Variants in STRA6 observed in about 807,000 individuals in gnomAD.
STRA6 encodes receptor for retinol uptake STRA6.
Under a neutral mutation model 83.6 loss-of-function variants are expected in STRA6, and 48 were observed. That is an observed-to-expected ratio of 0.57 (90% confidence interval 0.46 to 0.73). STRA6 has a LOEUF of 0.73. Ranked by LOEUF, STRA6 falls within the 30% of genes least tolerant of loss-of-function variation. STRA6 has a pLI of 0.00. For missense variants in STRA6, 760 were observed against 838.8 expected, an observed-to-expected ratio of 0.91 and a Z score of 1.16; for synonymous variants, 353 against 362.3, an observed-to-expected ratio of 0.97 and a Z score of 0.29.
chr15:74,192,926 C>G (rs1272673114), intron 8 of STRA6, among the ~76,000 whole-genome samples: 1 of 152,200 alleles, frequency 6.6e-6, no homozygotes, highest in Non-Finnish European at 1.5e-5. Flanking sequence ...CTGTCTCCCC[C>G]ACCACACTGG....
At chr15:74,207,931 G>T in intron 1 of STRA6, 2 of 1,464,594 alleles carry the variant, frequency 1.4e-6, no homozygotes, top group Non-Finnish European at 1.8e-6. Flanking sequence ...GAGTATGGGT[G>T]ACTCTCCACC....
intron 7 of STRA6, 119 bp downstream of exon 7, chr15:74,195,183 T>C (rs920797029): frequency 3.3e-6 from 5 of 1,535,642 alleles, no homozygotes; most frequent in East Asian, 2.4e-5. Context: ...TGGAATCCCA[T>C]GCACAATGGA....
chr15:74,210,829 G>T (rs1283573497), upstream of STRA6, among the ~76,000 whole-genome samples: 2 of 152,160 alleles, frequency 1.3e-5, no homozygotes, highest in Non-Finnish European at 2.9e-5. Flanking sequence ...CCCAGGTTGT[G>T]TTCTCAAAAA....
chr15:74,180,756 C>T (rs1251129947), intron 18 of STRA6, 26 bp downstream of exon 18: 3 of 1,595,450 alleles, frequency 1.9e-6, no homozygotes, highest in African/African-American at 2.7e-5. Flanking sequence ...AGGCTCTATT[C>T]CCCCATTCCC....
chr15:74,202,928 C>T, upstream of STRA6: 2 of 988,894 alleles, frequency 2.0e-6, no homozygotes, highest in Non-Finnish European at 1.2e-6. Flanking sequence ...GGCCCCAGCA[C>T]CATTGGCGGC....
At chr15:74,184,044 A>G (rs2073123991) in intron 13 of STRA6, 55 bp from the exon 14 acceptor site, 6 of 1,604,738 alleles carry the variant, frequency 3.7e-6, no homozygotes, top group Non-Finnish European at 5.1e-6. Context: ...CTCTTCCTAA[A>G]TCCTCCTCTG....
At chr15:74,191,812 C>G (rs1315293031) in intron 8 of STRA6, 6 of 452,676 alleles carry the variant, frequency 1.3e-5, no homozygotes, top group South Asian at 2.1e-5. Context: ...CCACCCCTAG[C>G]CCTCTGGCCT....
chr15:74,189,067 C>A (rs374589638), intron 12 of STRA6, 48 bp downstream of exon 12: 3 of 1,609,440 alleles, frequency 1.9e-6, no homozygotes, highest in Admixed American at 3.4e-5. Context: ...TGGGTCTCCC[C>A]GCTTTCATTC....
chr15:74,197,812 C>T lies in STRA6; in HGVS notation c.120G>A (p.Val40=), dbSNP rs975200350. Residue 40 remains valine, a synonymous_variant, in exon 3 of 19, where the codon GTG becomes GTA. Coordinates refer to ENST00000395105, the MANE Select transcript of STRA6 (RefSeq NM_022369.4). ...GTGGTATGCTGGTGTGGCAGGAGGG[C>T]ACTTCCCTGCAGAGCAAATGAAGGC... The part of the protein sequence containing the change: ...GGEELQPEGE[V]PSCHTSIPPG... 1 of 1,612,498 alleles carries T rather than the reference C, an allele frequency of 6.2e-7. No individual in the cohort carries two copies. Among genetic ancestry groups the T allele is most frequent in the African/African-American group, 1.3e-5 (1 of 75,032 alleles).
chr15:74,207,972 C>T, intron 1 of STRA6: 1 of 1,429,116 alleles, frequency 7.0e-7, no homozygotes, highest in South Asian at 1.5e-5. Flanking sequence ...CCTCCCCTGC[C>T]ATGTGGGAGG....
upstream of STRA6, among the ~76,000 whole-genome samples, chr15:74,205,445 A>G (rs2074238724): frequency 6.6e-6 from 1 of 152,274 alleles, no homozygotes; most frequent in African/African-American, 2.4e-5. Context: ...GAGAGATGCC[A>G]GGCACTTACA....
chr15:74,182,321 C>T, intron 15 of STRA6, 22 bp downstream of exon 15: 1 of 1,613,978 alleles, frequency 6.2e-7, no homozygotes, highest in Non-Finnish European at 8.5e-7. Context: ...TCCCTGAGCC[C>T]TCCATGTCTT....
rs879011616 is a variant in STRA6, at chr15:74,196,033, C to T, written c.381G>A (p.Leu127=). 4.3e-6 allele frequency: 7 copies of T among 1,613,832 alleles called. No homozygotes were observed. In the South Asian group the frequency reaches 5.5e-5, roughly 13 times the overall value. ...LLPDEDALPF[L]TLASAPSQDG... ...CTTGGCTGGGTGCTGAGGCGAGAGT[C>T]AGGAAGGGCAATGCGTCCTCGTCGG... Residue 127 remains leucine (L), a synonymous_variant, in exon 5 of 19, where the codon CTG becomes CTA. Transcript: ENST00000395105.
chr15:74,203,193 T>A (rs148998814), upstream of STRA6: 129 of 981,374 alleles, frequency 1.3e-4, 2 homozygotes, highest in East Asian at 8.5e-3. Context: ...AGGCAACATG[T>A]GTCTCATTGG....
At chr15:74,192,903 T>G (rs1214440752) in intron 8 of STRA6, among the ~76,000 whole-genome samples, 1 of 152,106 alleles carries the variant, frequency 6.6e-6, no homozygotes, top group African/African-American at 2.4e-5. Flanking sequence ...ACTGCAGGTG[T>G]TTTGTGCCGC....
At chr15:74,183,136 G>A (rs915668362) in intron 14 of STRA6, 11 of 161,884 alleles carry the variant, frequency 6.8e-5, no homozygotes, top group African/African-American at 1.7e-4. Context: ...CTTGGGGCTG[G>A]TAGGGGTCCT....
intron 14 of STRA6, chr15:74,182,717 C>G: frequency 2.0e-6 from 1 of 501,916 alleles, no homozygotes. Flanking sequence ...TCTGTGGAAA[C>G]TCTTAAAATC....
chr15:74,205,736 C>G (rs907567048), upstream of STRA6, among the ~76,000 whole-genome samples: 3 of 152,234 alleles, frequency 2.0e-5, no homozygotes, highest in African/African-American at 7.2e-5. Context: ...AGCCCAGGCA[C>G]AGTCCCTTCC....
At position 74,191,397 on chromosome 15, in the gene STRA6, C is replaced by T. The variant is rs1595844024; in HGVS notation, c.788+27G>A. ...CTGCTAACCAGCCCAATCCATTGGC[C>T]CACAAAGGGTGTGTCAGAGACCCCA... On this transcript the variant is annotated intron_variant, in intron 9 of 18. Transcript: ENST00000395105. The T allele has an allele frequency of 3.1e-6, 5 of 1,613,256 alleles. No individual in the cohort carries two copies. The East Asian group carries it at 1.1e-4, about 36-fold the overall frequency.
Sources: allele counts gnomAD v4.1 joint callset (sites outside exome capture counted in the v4.1 genomes callset), GRCh38; gene constraint gnomAD v4.1.1; transcripts MANE v1.5; gene names NCBI Gene and HGNC (gene_info 2026-07-23, HGNC 2026-07-21).